Variants in KCNH7 observed in about 807,000 individuals in gnomAD.
KCNH7 encodes the protein voltage-gated inwardly rectifying potassium channel KCNH7.
KCNH7 carries 49 observed loss-of-function variants against 120.8 expected under a neutral mutation model. The ratio of observed to expected loss-of-function variants is 0.41; its 90% CI spans 0.32 to 0.51. The LOEUF (loss-of-function observed/expected upper bound fraction) is 0.51, where lower values mean the gene tolerates loss of function less well. Among genes scored for constraint, KCNH7 ranks in the 20% least tolerant of loss-of-function variants. KCNH7 has a pLI of 0.38. For synonymous variants in KCNH7, 547 were observed against 516.1 expected, an observed-to-expected ratio of 1.06 and a Z score of -0.81; for missense variants, 1,097 against 1,446.6, an observed-to-expected ratio of 0.76 and a Z score of 3.92.
intron 2 of KCNH7, among the ~76,000 whole-genome samples, chr2:162,582,406 A>G (rs1022804900): frequency 1.3e-5 from 2 of 152,100 alleles, no homozygotes; most frequent in African/African-American, 4.8e-5. Context: ...GCAGCGATAA[A>G]ACACAAAATA....
chr2:162,496,027 T>G (rs1032566057), intron 6 of KCNH7, among the ~76,000 whole-genome samples: 1 of 152,166 alleles, frequency 6.6e-6, no homozygotes, highest in Non-Finnish European at 1.5e-5. Context: ...CCAAATTGCT[T>G]CTTCTTGCTA....
In KCNH7 at chr2:162,517,710, T is replaced by TA. The variant is rs112112700; in HGVS notation, c.892+19dup. The TA allele has an allele frequency of 2.2e-4, 339 of 1,509,644 alleles. 1 individual carries two copies. In the Middle Eastern group the frequency reaches 2.5e-3, roughly 11 times the overall value. The allele number at this position is 1,509,644 out of a possible 1,614,324, so 93.5% of individuals were successfully genotyped here. A position where few individuals can be genotyped will look rare whatever the true frequency, so the allele number is the denominator to read the frequency against. ...TTACCCATTAATATATGTTTCCATT[T>TA]AAAAAAAAATCAAACATACCTTCGC... is the stretch of plus-strand genomic sequence containing the variant. On this transcript the variant is annotated intron_variant, in intron 4 of 15. Transcript: ENST00000332142.
rs772546404 is a variant in KCNH7, at chr2:162,836,680, G to A, written c.164C>T (p.Ser55Phe). 6.2e-7 allele frequency: 1 copy of A among 1,613,924 alleles called. No homozygotes were observed. Among genetic ancestry groups the A allele is most frequent in the African/African-American group, 1.3e-5 (1 of 74,874 alleles). The change falls in exon 2 of 16, where the codon TCC (serine) becomes TTC (phenylalanine). Residue 55 changes from serine to phenylalanine, a missense_variant. Ser to Phe is a radical substitution (Grantham distance 155). This residue lies in a region of KCNH7 where 57 missense variants were observed against 116.2 expected (regional missense o/e 0.49). Transcript: ENST00000332142. ...TGGCTTTTGCATGACATCTGGCCTG[G>A]AGAAACCAGTCATCTCACAGAACCC... Reference protein sequence around the residue: ...NDGFCEMTGFSRPDVMQKPCT... With the variant: ...NDGFCEMTGFFRPDVMQKPCT...
intron 2 of KCNH7, among the ~76,000 whole-genome samples, chr2:162,815,933 C>T (rs1684903164): frequency 6.6e-6 from 1 of 152,162 alleles, no homozygotes; most frequent in Non-Finnish European, 1.5e-5. Flanking sequence ...TCCTCATAAC[C>T]TCATCCTCCA....
At chr2:162,758,004 A>C (rs1453797470) in intron 2 of KCNH7, among the ~76,000 whole-genome samples, 1 of 152,082 alleles carries the variant, frequency 6.6e-6, no homozygotes, top group Non-Finnish European at 1.5e-5. Flanking sequence ...GTTTATATCA[A>C]CTCTTAAAGG....
chr2:162,515,377 A>C (rs1385861), intron 4 of KCNH7, among the ~76,000 whole-genome samples: 16,109 of 151,778 alleles, frequency 0.11, 2,870 homozygotes, highest in African/African-American at 0.36. Context: ...AAAACAATGA[A>C]GTTAAATCAA....
At chr2:162,449,046 G>A (rs1048807991) in intron 6 of KCNH7, among the ~76,000 whole-genome samples, 2 of 151,962 alleles carry the variant, frequency 1.3e-5, no homozygotes, top group African/African-American at 4.8e-5. Flanking sequence ...GATATTACAA[G>A]CAGAGGGGAC....
At chr2:162,783,620 C>A (rs1559132321) in intron 2 of KCNH7, among the ~76,000 whole-genome samples, 1 of 152,124 alleles carries the variant, frequency 6.6e-6, no homozygotes, top group Non-Finnish European at 1.5e-5. Flanking sequence ...CAGATGTTGA[C>A]AAAGATATAT....
intron 2 of KCNH7, among the ~76,000 whole-genome samples, chr2:162,720,213 G>A (rs148535026): frequency 1.5e-3 from 217 of 149,128 alleles, no homozygotes; most frequent in African/African-American, 5.0e-3. Context: ...TCTGTCAAGT[G>A]TAAGAGATCA....
chr2:162,825,914 T>C (rs149965446), intron 2 of KCNH7, among the ~76,000 whole-genome samples: 2 of 152,260 alleles, frequency 1.3e-5, no homozygotes, highest in East Asian at 3.9e-4. Flanking sequence ...CAAGCCATCA[T>C]TGTAACAGTG....
At chr2:162,680,809 A>G (rs1685685961) in intron 2 of KCNH7, among the ~76,000 whole-genome samples, 1 of 151,728 alleles carries the variant, frequency 6.6e-6, no homozygotes, top group African/African-American at 2.4e-5. Context: ...TAAAATGTCC[A>G]TAAAAATTAA....
intron 2 of KCNH7, among the ~76,000 whole-genome samples, chr2:162,588,136 A>G (rs1256642715): frequency 6.6e-6 from 1 of 152,098 alleles, no homozygotes; most frequent in African/African-American, 2.4e-5. Context: ...GCCACAACCT[A>G]CCATGAGAAA....
chr2:162,672,196 G>A (rs1685383562), intron 2 of KCNH7, among the ~76,000 whole-genome samples: 1 of 152,008 alleles, frequency 6.6e-6, no homozygotes, highest in South Asian at 2.1e-4. Context: ...TTGATTTAAT[G>A]AAACATACAA....
chr2:162,539,228 C>A (rs1417771280), intron 2 of KCNH7, among the ~76,000 whole-genome samples: 1 of 152,028 alleles, frequency 6.6e-6, no homozygotes, highest in Admixed American at 6.6e-5. Context: ...ACTGGTTAAA[C>A]AGAGTCTGAG....
intron 2 of KCNH7, among the ~76,000 whole-genome samples, chr2:162,831,404 T>C (rs968088067): frequency 1.3e-5 from 2 of 152,070 alleles, no homozygotes; most frequent in Non-Finnish European, 2.9e-5. Flanking sequence ...ACTTCGAATA[T>C]CTCTCAATGC....
intron 3 of KCNH7, among the ~76,000 whole-genome samples, chr2:162,527,130 G>A (rs1691735412): frequency 6.6e-6 from 1 of 151,812 alleles, no homozygotes; most frequent in Non-Finnish European, 1.5e-5. Context: ...GGGTGGGAGA[G>A]GCACATGACA....
In KCNH7 at chr2:162,682,679, A is replaced by T. The variant is rs1685753585; in HGVS notation, c.308-145599T>A. The stretch of plus-strand genomic sequence containing the variant: ...GATTATACATGATTTTACTTTCTTT[A>T]TGCTTTCTGTAATTTAAATTTTAAA... On this transcript the variant is annotated intron_variant, in intron 2 of 15. Transcript: ENST00000332142. Among the ~76,000 whole-genome samples the T allele has an allele frequency of 2.6e-5, 4 of 151,842 alleles. No homozygotes were observed. In the Admixed American group the frequency reaches 2.6e-4, roughly 10 times the overall value.
intron 2 of KCNH7, among the ~76,000 whole-genome samples, chr2:162,544,230 T>G (rs2105843079): frequency 6.6e-6 from 1 of 152,282 alleles, no homozygotes; most frequent in African/African-American, 2.4e-5. Context: ...ATGACAGAAC[T>G]TAGCTTCTTT....
At position 162,371,474 on chromosome 2, in the gene KCNH7, C is replaced by A; in HGVS notation, c.*355G>T. 1.6e-6 allele frequency: 2 copies of A among 1,251,642 alleles called. No homozygotes were observed. Among genetic ancestry groups the A allele is most frequent in the Non-Finnish European group, 2.1e-6 (2 of 969,456 alleles). 77.5% of individuals were successfully genotyped at this position (1,251,642 alleles called of 1,614,324 possible). On this transcript the variant is annotated 3_prime_UTR_variant, in exon 16 of 16. Transcript: ENST00000332142. Reference sequence around the variant, plus strand: ...GTTTTATCCCTTGGTTTCTTATTTGCGTGGAAGGCATTTTCATAACGAAGT... The same window carrying A: ...GTTTTATCCCTTGGTTTCTTATTTGAGTGGAAGGCATTTTCATAACGAAGT...
Sources: allele counts gnomAD v4.1 joint callset (sites outside exome capture counted in the v4.1 genomes callset), GRCh38; gene constraint gnomAD v4.1.1; regional missense constraint gnomAD v4.1.1; transcripts MANE v1.5; gene names NCBI Gene and HGNC (gene_info 2026-07-23, HGNC 2026-07-21).